MTHFD2L: variants seen among roughly 807,000 people sequenced by gnomAD.
The protein encoded by MTHFD2L is methylenetetrahydrofolate dehydrogenase (NADP+ dependent) 2 like.
A neutral mutation model predicts 34.9 loss-of-function variants in MTHFD2L; 29 were observed. The ratio of observed to expected loss-of-function variants is 0.83; its 90% CI spans 0.62 to 1.13. The LOEUF (loss-of-function observed/expected upper bound fraction) is 1.13, where lower values mean the gene tolerates loss of function less well. Among genes scored for constraint, MTHFD2L ranks in the 50% most tolerant of loss-of-function variants. The probability of loss-of-function intolerance (pLI) is 0.00; values close to 1 mark genes in which losing one functional copy is unlikely to be tolerated. For synonymous variants in MTHFD2L, 167 were observed against 155.7 expected, an observed-to-expected ratio of 1.07 and a Z score of -0.54; for missense variants, 481 against 446.5, an observed-to-expected ratio of 1.08 and a Z score of -0.70.
intron 7 of MTHFD2L, among the ~76,000 whole-genome samples, chr4:74,282,654 G>T (rs1180696097): frequency 6.6e-6 from 1 of 152,074 alleles, no homozygotes; most frequent in African/African-American, 2.4e-5. Context: ...AAAGAAAACT[G>T]TAAGGACACA....
At chr4:74,271,507 T>C (rs1745976021) in intron 6 of MTHFD2L, among the ~76,000 whole-genome samples, 1 of 152,244 alleles carries the variant, frequency 6.6e-6, no homozygotes, top group African/African-American at 2.4e-5. Context: ...TTCTGAGGGC[T>C]CTGTTCTGTT....
intron 5 of MTHFD2L, among the ~76,000 whole-genome samples, chr4:74,204,554 G>A (rs1734981995): frequency 6.6e-6 from 1 of 151,980 alleles, no homozygotes; most frequent in Admixed American, 6.6e-5. Flanking sequence ...AATAAACTCA[G>A]AATTTATAAA....
At chr4:74,187,233 T>TAGAAA (rs1731460033) in intron 3 of MTHFD2L, among the ~76,000 whole-genome samples, 1 of 152,074 alleles carries the variant, frequency 6.6e-6, no homozygotes, top group Non-Finnish European at 1.5e-5. Context: ...AAGCTTGAAG[T>TAGAAA]TATGCCAGTA....
At chr4:74,262,668 CAA>C (rs1433662735) in intron 6 of MTHFD2L, among the ~76,000 whole-genome samples, 1 of 151,800 alleles carries the variant, frequency 6.6e-6, no homozygotes, top group Non-Finnish European at 1.5e-5. Context: ...TAAAGCAAAA[CAA>C]GACACTGTTT....
intron 1 of MTHFD2L, among the ~76,000 whole-genome samples, chr4:74,158,925 C>CA (rs1435713469): frequency 8.5e-5 from 13 of 152,154 alleles, no homozygotes; most frequent in African/African-American, 3.1e-4. Context: ...GTCTTAGTTG[C>CA]AAAATCCGTC....
upstream of MTHFD2L, among the ~76,000 whole-genome samples, chr4:74,120,146 T>A (rs1374358177): frequency 6.6e-6 from 1 of 152,212 alleles, no homozygotes; most frequent in Non-Finnish European, 1.5e-5. Flanking sequence ...TGCCTGCTGC[T>A]AAGGGTATAT....
At chr4:74,260,959 A>G (rs866981141) in intron 6 of MTHFD2L, among the ~76,000 whole-genome samples, 21 of 151,880 alleles carry the variant, frequency 1.4e-4, no homozygotes, top group Admixed American at 7.2e-4. Context: ...TAAGCTATCA[A>G]TATTTGGTGC....
intron 5 of MTHFD2L, chr4:74,224,265 C>T (rs1337073988): frequency 1.3e-5 from 2 of 152,070 alleles, no homozygotes; most frequent in African/African-American, 2.4e-5. Flanking sequence ...TTGGGATAAA[C>T]TTTTCACAGA....
intron 6 of MTHFD2L, chr4:74,267,054 A>G (rs1374455147): frequency 1.0e-6 from 1 of 984,960 alleles, no homozygotes. Flanking sequence ...CAACTAATAT[A>G]CCTCTCCTTG....
chr4:74,227,604 T>G (rs1190285525), intron 6 of MTHFD2L, among the ~76,000 whole-genome samples: 3 of 152,126 alleles, frequency 2.0e-5, no homozygotes, highest in Non-Finnish European at 4.4e-5. Context: ...ATTATATTAC[T>G]CTGATTTTAA....
chr4:74,118,068 G>A lies in MTHFD2L; in HGVS notation c.-144+3411G>A, dbSNP rs1336179560. On this transcript the variant is annotated intron_variant and NMD_transcript_variant, in intron 2 of 9. Coordinates refer to the MTHFD2L transcript ENST00000429519. Reference sequence around the variant, plus strand: ...TGTTGTACTTACAACTCCTACAACCGTGCTTGGTACATAGGGTGTTGAAAA... The same window carrying A: ...TGTTGTACTTACAACTCCTACAACCATGCTTGGTACATAGGGTGTTGAAAA... 4.6e-5 allele frequency among the ~76,000 whole-genome samples: 7 copies of A among 152,008 alleles called. No individual in the cohort carries two copies. In the East Asian group the frequency reaches 5.8e-4, roughly 13 times the overall value.
intron 7 of MTHFD2L, among the ~76,000 whole-genome samples, chr4:74,300,341 A>G (rs745602936): frequency 2.0e-5 from 3 of 152,018 alleles, no homozygotes; most frequent in Non-Finnish European, 4.4e-5. Context: ...TTAAAAAATT[A>G]TTCCAATGTA....
chr4:74,189,485 CTTTTTTTTTT>C (rs55665552), intron 3 of MTHFD2L, among the ~76,000 whole-genome samples: 1 of 119,824 alleles, frequency 8.3e-6, no homozygotes, highest in Non-Finnish European at 1.6e-5. Flanking sequence ...GTTTTTCTTC[CTTTTTTTTTT>C]TTTTTTTTTT....
chr4:74,263,450 A>G (rs1262436622), intron 6 of MTHFD2L, among the ~76,000 whole-genome samples: 2 of 151,992 alleles, frequency 1.3e-5, no homozygotes, highest in South Asian at 2.1e-4. Flanking sequence ...GATTCTTTCT[A>G]TCCATGAACA....
At chr4:74,220,507 A>C (rs1217034385) in intron 5 of MTHFD2L, among the ~76,000 whole-genome samples, 1 of 151,908 alleles carries the variant, frequency 6.6e-6, no homozygotes, top group Non-Finnish European at 1.5e-5. Context: ...TTATATTTTT[A>C]ATGAATATAG....
chr4:74,259,078 C>T (rs1047608771), intron 6 of MTHFD2L, among the ~76,000 whole-genome samples: 3 of 152,068 alleles, frequency 2.0e-5, no homozygotes, highest in African/African-American at 7.2e-5. Context: ...TACTTTTTTC[C>T]ACCTATCCTC....
rs556285414 is a variant in MTHFD2L, at chr4:74,150,497, G to A, written c.-296-9558G>A. Among the ~76,000 whole-genome samples the A allele has an allele frequency of 2.2e-4, 33 of 152,202 alleles. 1 individual carries two copies. In the East Asian group the frequency reaches 5.8e-3, roughly 27 times the overall value. Reference sequence around the variant, plus strand: ...TCAAACTGCCGACCTCGGGTGATCCGCCCGCCTAGGCTTCCCAAAGTCCTG... The same window carrying A: ...TCAAACTGCCGACCTCGGGTGATCCACCCGCCTAGGCTTCCCAAAGTCCTG... On this transcript the variant is annotated intron_variant, in intron 1 of 7. Coordinates refer to the MTHFD2L transcript ENST00000433372.
chr4:74,193,575 G>A (rs1051600878), intron 3 of MTHFD2L, among the ~76,000 whole-genome samples: 62 of 152,086 alleles, frequency 4.1e-4, no homozygotes, highest in African/African-American at 1.5e-3. Context: ...AACATGGTAT[G>A]CCTTTTATTT....
At position 74,301,709 on chromosome 4, in the gene MTHFD2L, A is replaced by G. The variant is rs759811483; in HGVS notation, c.944A>G (p.Lys315Arg). Residue 315 changes from lysine (K) to arginine (R), a missense_variant, in exon 8 of 8, where the codon AAA becomes AGA. By Grantham distance (26) the Lys-to-Arg change is conservative (BLOSUM62 2). Coordinates refer to ENST00000325278, the MANE Select transcript of MTHFD2L (RefSeq NM_001144978.3). Reference sequence around the variant, plus strand: ...TTTTCCTCATCAGCTGTTAAAAAGAAAGCTGGCTTTATCACTCCAGTTCCA... The same window carrying G: ...TTTTCCTCATCAGCTGTTAAAAAGAGAGCTGGCTTTATCACTCCAGTTCCA... ...GDVDFEAVKK[K>R]AGFITPVPGG... is the part of the protein sequence containing the mutation. The G allele has an allele frequency of 1.9e-6, 3 of 1,579,384 alleles. No homozygotes were observed. The highest frequency in any genetic ancestry group is 3.7e-5 in the Admixed American group (2 of 53,342).
Sources: gnomAD v4.1 joint callset for allele counts (sites outside exome capture counted in the v4.1 genomes callset) on GRCh38, gnomAD v4.1.1 for gene constraint, MANE v1.5 for transcripts, NCBI Gene and HGNC (gene_info 2026-07-23, HGNC 2026-07-21) for gene names.